The following FSTL1 variants were observed in gnomAD, a reference collection of about 807,000 sequenced individuals.
FSTL1 encodes follistatin-related protein 1.
In FSTL1, 24 loss-of-function variants were observed where a neutral mutation model predicts 45.9. That is an observed-to-expected ratio of 0.52 (90% confidence interval 0.38 to 0.74). FSTL1 has a LOEUF of 0.74. Among genes scored for constraint, FSTL1 ranks in the 30% least tolerant of loss-of-function variants. The pLI is 0.00. For synonymous variants in FSTL1, 120 were observed against 137.6 expected (o/e 0.87, Z 0.89); for missense variants, 340 against 381.8 (o/e 0.89, Z 0.91).
intron 1 of FSTL1, 52 bp from the exon 2 acceptor site, chr3:120,450,798 C>T: frequency 7.4e-7 from 1 of 1,351,868 alleles, no homozygotes; most frequent in African/African-American, 1.5e-5. Flanking sequence ...CCGCGCTGAC[C>T]TGGGAAACTT....
At chr3:120,417,187 C>G (rs1003574776) in intron 2 of FSTL1, among the ~76,000 whole-genome samples, 1 of 152,158 alleles carries the variant, frequency 6.6e-6, no homozygotes, top group Non-Finnish European at 1.5e-5. Flanking sequence ...AGTCCACCCT[C>G]CAGGCCATGT....
intron 2 of FSTL1, among the ~76,000 whole-genome samples, chr3:120,440,610 T>C (rs1937618032): frequency 6.6e-6 from 1 of 152,248 alleles, no homozygotes; most frequent in South Asian, 2.1e-4. Context: ...CAAGGTCTCT[T>C]ATCCACCAGC....
At chr3:120,404,830 T>G (rs1452625516) in intron 7 of FSTL1, 23 bp downstream of exon 7, 1 of 1,145,444 alleles carries the variant, frequency 8.7e-7, no homozygotes, top group Non-Finnish European at 1.3e-6. Context: ...TGGATCATTC[T>G]CTGACCTCTC....
intron 2 of FSTL1, among the ~76,000 whole-genome samples, chr3:120,434,782 G>A (rs1276094747): frequency 2.6e-5 from 4 of 152,146 alleles, no homozygotes; most frequent in African/African-American, 9.7e-5. Context: ...GAGAACAATA[G>A]CAACTACTAT....
At chr3:120,413,232 T>C (rs1417624108) in intron 3 of FSTL1, among the ~76,000 whole-genome samples, 1 of 152,168 alleles carries the variant, frequency 6.6e-6, no homozygotes, top group Admixed American at 6.5e-5. Context: ...GCACTGGAAG[T>C]GGATGGCAGC....
rs144590897 is a variant in FSTL1 at position 120,443,671 on chromosome 3, GC to G, written c.63+7012del. On this transcript the variant is annotated intron_variant, in intron 2 of 10. Coordinates refer to ENST00000295633, the MANE Select transcript of FSTL1 (RefSeq NM_007085.5). The stretch of plus-strand genomic sequence containing the variant: ...AAATCTGGGCCTGCAACATGTGATA[GC>G]TTTTGTCATGTATCATATGACCTGT... 4.2e-3 allele frequency among the ~76,000 whole-genome samples: 629 copies of G among 149,876 alleles called. 77 individuals are homozygous for G. The highest frequency in any genetic ancestry group is 0.015 in the African/African-American group (581 of 39,250).
At chr3:120,403,717 A>G (rs1395306006) in intron 7 of FSTL1, among the ~76,000 whole-genome samples, 1 of 152,184 alleles carries the variant, frequency 6.6e-6, no homozygotes, top group African/African-American at 2.4e-5. Flanking sequence ...CAAACTAGGA[A>G]AATCAAAACA....
intron 2 of FSTL1, among the ~76,000 whole-genome samples, chr3:120,435,080 G>A (rs746511352): frequency 1.3e-4 from 20 of 152,134 alleles, no homozygotes; most frequent in African/African-American, 4.8e-4. Flanking sequence ...TTAGCCGGGC[G>A]TGGTTGCAGG....
chr3:120,398,034 T>C (rs1224079085), intron 10 of FSTL1, among the ~76,000 whole-genome samples: 4 of 152,168 alleles, frequency 2.6e-5, no homozygotes, highest in African/African-American at 9.7e-5. Context: ...CTGTAATATG[T>C]CCAGAACAGG....
chr3:120,414,674 T>C (rs1210599729), intron 3 of FSTL1, among the ~76,000 whole-genome samples: 4 of 151,930 alleles, frequency 2.6e-5, no homozygotes, highest in African/African-American at 7.2e-5. Flanking sequence ...TGGGATCCTG[T>C]TGATCTGTGA....
At chr3:120,448,871 T>G (rs567192791) in intron 2 of FSTL1, among the ~76,000 whole-genome samples, 1 of 152,304 alleles carries the variant, frequency 6.6e-6, no homozygotes, top group Non-Finnish European at 1.5e-5. Flanking sequence ...CACAGCCTGG[T>G]AAGTCAACCA....
At chr3:120,426,054 C>T (rs1172013589) in intron 2 of FSTL1, among the ~76,000 whole-genome samples, 2 of 152,168 alleles carry the variant, frequency 1.3e-5, no homozygotes, top group Non-Finnish European at 2.9e-5. Context: ...CTGCCAAGAA[C>T]CTGTCACTGA....
intron 4 of FSTL1, 174 bp from the exon 5 acceptor site, chr3:120,411,158 C>T: frequency 1.8e-6 from 1 of 548,654 alleles, no homozygotes; most frequent in Non-Finnish European, 3.3e-6. Context: ...GTATGAGGAT[C>T]TTCTGTCTCC....
chr3:120,412,050 C>A (rs550029447), intron 3 of FSTL1, 67 bp from the exon 4 acceptor site: 1 of 633,294 alleles, frequency 1.6e-6, no homozygotes, highest in Non-Finnish European at 2.5e-6. Context: ...CACACACACA[C>A]ATACATGCAC....
intron 3 of FSTL1, 183 bp downstream of exon 3, chr3:120,415,740 A>T: frequency 2.0e-6 from 1 of 504,480 alleles, no homozygotes; most frequent in Non-Finnish European, 3.5e-6. Context: ...ATTTTTTTAA[A>T]AGAAAAAATA....
intron 2 of FSTL1, among the ~76,000 whole-genome samples, chr3:120,432,926 T>G (rs1937504817): frequency 6.6e-6 from 1 of 152,154 alleles, no homozygotes; most frequent in African/African-American, 2.4e-5. Context: ...AATGTGCAAA[T>G]CCAGTGACAC....
chr3:120,422,783 C>A (rs1157871896), intron 2 of FSTL1, among the ~76,000 whole-genome samples: 1 of 152,062 alleles, frequency 6.6e-6, no homozygotes, highest in Non-Finnish European at 1.5e-5. Flanking sequence ...TAACTTCCAC[C>A]TCCCGGGTTC....
intron 2 of FSTL1, among the ~76,000 whole-genome samples, chr3:120,431,658 T>TA (rs1166717704): frequency 1.3e-3 from 188 of 148,594 alleles, no homozygotes; most frequent in African/African-American, 4.1e-3. Flanking sequence ...TCCTGTCTCT[T>TA]AAAAAAAAAA....
intron 7 of FSTL1, among the ~76,000 whole-genome samples, chr3:120,404,424 A>G (rs1057083449): frequency 6.6e-6 from 1 of 152,228 alleles, no homozygotes; most frequent in Non-Finnish European, 1.5e-5. Context: ...AGACGGGCAT[A>G]TATCTGTAAC....
Sources: allele counts gnomAD v4.1 joint callset (sites outside exome capture counted in the v4.1 genomes callset), GRCh38; gene constraint gnomAD v4.1.1; transcripts MANE v1.5; gene names NCBI Gene and HGNC (gene_info 2026-07-23, HGNC 2026-07-21).